Variants in ECPAS observed in about 807,000 individuals in gnomAD.
The protein encoded by ECPAS is Ecm29 proteasome adaptor and scaffold.
ECPAS carries 70 observed loss-of-function variants against 255.1 expected under a neutral mutation model. That is an observed-to-expected ratio of 0.27 (90% confidence interval 0.23 to 0.33). The LOEUF (loss-of-function observed/expected upper bound fraction) is 0.33, where lower values mean the gene tolerates loss of function less well. Ranked by LOEUF, ECPAS falls within the 10% of genes least tolerant of loss-of-function variation. The pLI, the probability that ECPAS is intolerant of heterozygous loss-of-function variation, is 1.00. For missense variants in ECPAS, 1,817 were observed against 2,206.4 expected (o/e 0.82, Z 3.54); for synonymous variants, 784 against 775.0 (o/e 1.01, Z -0.19).
At chr9:111,482,509 T>C (rs1043109784) in intron 1 of ECPAS, among the ~76,000 whole-genome samples, 1 of 152,222 alleles carries the variant, frequency 6.6e-6, no homozygotes, top group African/African-American at 2.4e-5. Flanking sequence ...TACTTTCATA[T>C]GGAAATTCAG....
Position 111,363,601 on chromosome 9 carries a change from A to C in ECPAS, c.5367T>G (p.Leu1789=). The C allele has an allele frequency of 6.3e-7, 1 of 1,578,350 alleles. No homozygotes were observed. Among genetic ancestry groups the C allele is most frequent in the Non-Finnish European group, 8.7e-7 (1 of 1,155,544 alleles). ...ACAACAACTTACCTTCAAGTTTTTT[A>C]AGCAGCAATTCTATCACAGATAAAG... ...TEALSVIELL[L]KKLEESKQWE... is the part of the protein sequence containing the mutation. Residue 1789 remains leucine (L), a synonymous_variant, in exon 49 of 50, where the codon CTT becomes CTG. Coordinates refer to ENST00000684092, the MANE Select transcript of ECPAS (RefSeq NM_001364929.1).
At chr9:111,452,655 G>T (rs1038537435) in intron 2 of ECPAS, among the ~76,000 whole-genome samples, 2 of 152,140 alleles carry the variant, frequency 1.3e-5, no homozygotes, top group African/African-American at 4.8e-5. Context: ...TTTTCTACAG[G>T]AAGATAGATT....
rs560511718 is a variant in ECPAS, at chr9:111,376,507, T to A, written c.3989A>T (p.Lys1330Ile). 1 of 1,600,802 alleles carries A rather than the reference T, an allele frequency of 6.2e-7. No homozygotes were observed. The highest frequency in any genetic ancestry group is 8.5e-7 in the Non-Finnish European group (1 of 1,173,314). The stretch of plus-strand genomic sequence containing the variant: ...GATTGTTTCCATCATTGGAGAAGAT[T>A]TGGCAGCACTAAGCCGAGCACTATC... ...AMDSARLSAA[K>I]SSPMMETINM... is the part of the protein sequence containing the mutation. The change falls in exon 37 of 50, where the codon AAA (lysine) becomes ATA (isoleucine). Residue 1330 changes from lysine to isoleucine, a missense_variant. Around this residue, in one of 4 missense-constraint regions of ECPAS, gnomAD observed 960 missense variants for 1,179.0 expected, o/e 0.81. Transcript: ENST00000684092.
chr9:111,433,470 G>T, intron 7 of ECPAS, 98 bp from the exon 8 acceptor site: 2 of 1,281,258 alleles, frequency 1.6e-6, no homozygotes, highest in Non-Finnish European at 2.2e-6. Flanking sequence ...ACAAGCCAAA[G>T]ATGAGCAGTA....
chr9:111,396,218 C>A (rs1007487248), intron 25 of ECPAS, among the ~76,000 whole-genome samples: 1 of 152,074 alleles, frequency 6.6e-6, no homozygotes, highest in Non-Finnish European at 1.5e-5. Flanking sequence ...AGCTCAAATA[C>A]TAAAATATAT....
At chr9:111,452,354 T>C (rs865779760) in intron 2 of ECPAS, among the ~76,000 whole-genome samples, 13 of 152,218 alleles carry the variant, frequency 8.5e-5, no homozygotes, top group African/African-American at 2.7e-4. Context: ...TGCGTGATTA[T>C]AGAGATAAAT....
chr9:111,370,660 A>C (rs746486005), intron 44 of ECPAS, 33 bp from the exon 45 acceptor site: 1 of 1,607,120 alleles, frequency 6.2e-7, no homozygotes, highest in South Asian at 1.1e-5. Flanking sequence ...TCAGAAGTTA[A>C]TAAAGGCTGC....
intron 1 of ECPAS, among the ~76,000 whole-genome samples, chr9:111,482,082 G>A (rs910889416): frequency 6.6e-6 from 1 of 152,196 alleles, no homozygotes; most frequent in Admixed American, 6.5e-5. Context: ...CTTAAAAAAT[G>A]GCTAGGACGG....
At chr9:111,427,154 G>C (rs1263227242) in intron 10 of ECPAS, among the ~76,000 whole-genome samples, 1 of 97,004 alleles carries the variant, frequency 1.0e-5, no homozygotes, top group Admixed American at 1.0e-4. Flanking sequence ...GTGAGACCCT[G>C]TCTCAGAAAA....
chr9:111,454,326 G>A (rs1045661891), intron 2 of ECPAS, among the ~76,000 whole-genome samples: 10 of 151,912 alleles, frequency 6.6e-5, no homozygotes, highest in African/African-American at 1.2e-4. Flanking sequence ...GGTGGGGTGC[G>A]GCGGCAGGAG....
At chr9:111,367,449 A>G (rs2098121747) in intron 46 of ECPAS, among the ~76,000 whole-genome samples, 3 of 152,246 alleles carry the variant, frequency 2.0e-5, no homozygotes, top group South Asian at 4.1e-4. Flanking sequence ...TATGTCTTAT[A>G]TTAAAATAAA....
rs915528439 is a variant in ECPAS, at chr9:111,415,553, T to G, written c.1764+719A>C. On this transcript the variant is annotated intron_variant, in intron 18 of 49. Transcript: ENST00000684092. ...ATCTCTACCAAAAAGATAACAGAAT[T>G]AGCCAGGGGTGGTGGTGCACGCCTG... is the stretch of plus-strand genomic sequence containing the variant. Among the ~76,000 whole-genome samples the G allele has an allele frequency of 5.9e-5, 9 of 151,864 alleles. No individual in the cohort carries two copies. The East Asian group carries it at 1.7e-3, about 29-fold the overall frequency.
intron 30 of ECPAS, 102 bp from the exon 31 acceptor site, chr9:111,389,825 T>G: frequency 2.3e-6 from 3 of 1,283,478 alleles, no homozygotes; most frequent in Non-Finnish European, 3.2e-6. Context: ...ACAGCCTGAT[T>G]TATTGGTCTT....
chr9:111,477,488 C>G (rs981764007), intron 1 of ECPAS, among the ~76,000 whole-genome samples: 2 of 152,102 alleles, frequency 1.3e-5, no homozygotes, highest in African/African-American at 4.8e-5. Context: ...ATTTTATACA[C>G]TACAGAAGGT....
intron 24 of ECPAS, 99 bp from the exon 25 acceptor site, chr9:111,397,252 T>C (rs1351153464): frequency 6.8e-7 from 1 of 1,475,218 alleles, no homozygotes; most frequent in African/African-American, 1.4e-5. Context: ...TCTGAGCATG[T>C]TTTGTTTTCA....
chr9:111,397,563 T>G (rs1204035891), intron 24 of ECPAS, among the ~76,000 whole-genome samples: 1 of 152,180 alleles, frequency 6.6e-6, no homozygotes, highest in Non-Finnish European at 1.5e-5. Flanking sequence ...ACTTCATTTG[T>G]AAAAGGGGCA....
chr9:111,397,433 T>C (rs1307295361), intron 24 of ECPAS, among the ~76,000 whole-genome samples: 4 of 152,180 alleles, frequency 2.6e-5, no homozygotes, highest in Non-Finnish European at 4.4e-5. Flanking sequence ...AAGCATAATA[T>C]GGTTCACCTA....
At chr9:111,398,796 G>A (rs2098171267) in intron 24 of ECPAS, among the ~76,000 whole-genome samples, 1 of 152,124 alleles carries the variant, frequency 6.6e-6, no homozygotes, top group Non-Finnish European at 1.5e-5. Flanking sequence ...AATTAGCCGG[G>A]CATGGTGGTG....
At chr9:111,473,196 CT>C (rs1394511553) in intron 1 of ECPAS, among the ~76,000 whole-genome samples, 196 bp from the exon 2 acceptor site, 2 of 152,100 alleles carry the variant, frequency 1.3e-5, no homozygotes, top group Non-Finnish European at 2.9e-5. Context: ...ACCAAATTTA[CT>C]GAGAACATGC....
Sources: gnomAD v4.1 joint callset for allele counts (sites outside exome capture counted in the v4.1 genomes callset) on GRCh38, gnomAD v4.1.1 for gene constraint, gnomAD v4.1.1 regional missense constraint, MANE v1.5 for transcripts, NCBI Gene and HGNC (gene_info 2026-07-23, HGNC 2026-07-21) for gene names.